NTRK1: variants seen among roughly 807,000 people sequenced by gnomAD.
The protein encoded by NTRK1 is high affinity nerve growth factor receptor.
NTRK1 carries 62 observed loss-of-function variants against 86.8 expected under a neutral mutation model. The ratio of observed to expected loss-of-function variants is 0.71; its 90% CI spans 0.58 to 0.88. The LOEUF (loss-of-function observed/expected upper bound fraction) is 0.88, where lower values mean the gene tolerates loss of function less well. Among genes scored for constraint, NTRK1 ranks in the 40% least tolerant of loss-of-function variants. The pLI, the probability that NTRK1 is intolerant of heterozygous loss-of-function variation, is 0.00. For synonymous variants in NTRK1, 469 were observed against 456.6 expected (o/e 1.03, Z -0.35); for missense variants, 967 against 1,078.4 (o/e 0.90, Z 1.45).
At position 156,871,773 on chromosome 1, in the gene NTRK1, C is replaced by G. The variant is rs776037356; in HGVS notation, c.850+18C>G. ...CGTCTCCTGTGAGTCTCAGTGGCAG[C>G]TCCGGCACCCACCCCCTACTCATCT... On this transcript the variant is annotated intron_variant, in intron 7 of 16. Transcript: ENST00000524377. 4 of 1,614,076 alleles carry G rather than the reference C, an allele frequency of 2.5e-6. No homozygotes were observed. Among genetic ancestry groups the G allele is most frequent in the Admixed American group, 3.3e-5 (2 of 60,028 alleles).
intron 8 of NTRK1, 112 bp from the exon 9 acceptor site, chr1:156,874,271 G>A (rs41422251): frequency 9.2e-5 from 139 of 1,513,498 alleles, no homozygotes; most frequent in Non-Finnish European, 1.1e-4. Context: ...ATCCCCCCTC[G>A]TCCCATGAAG....
At chr1:156,855,993 T>G (rs1655395396), upstream of NTRK1, among the ~76,000 whole-genome samples, 1 of 151,700 alleles carries the variant, frequency 6.6e-6, no homozygotes, top group African/African-American at 2.4e-5. Flanking sequence ...CAGGCTAGAG[T>G]GTAGTGGGAG....
chr1:156,837,416 C>T (rs1654622327), intron 1 of NTRK1, among the ~76,000 whole-genome samples: 2 of 152,258 alleles, frequency 1.3e-5, no homozygotes, highest in South Asian at 4.1e-4. Context: ...GATGGTGCCA[C>T]CCTAGTGATC....
At chr1:156,844,355 T>C (rs1654909062) in intron 2 of NTRK1, 4 of 1,546,258 alleles carry the variant, frequency 2.6e-6, no homozygotes, top group Admixed American at 1.7e-5. Context: ...TCTCTTTCCA[T>C]GCTGGGAGGT....
rs1412359570 is a variant in NTRK1, at chr1:156,879,137, T to G, written c.1821T>G (p.Asp607Glu). 6.2e-7 allele frequency: 1 copy of G among 1,613,874 alleles called. No homozygotes were observed. Among genetic ancestry groups the G allele is most frequent in the African/African-American group, 1.3e-5 (1 of 74,892 alleles). Residue 607 changes from aspartate to glutamate, a missense_variant, in exon 15 of 17, where the codon GAT becomes GAG. Coordinates refer to ENST00000524377, the MANE Select transcript of NTRK1 (RefSeq NM_002529.4). ...LNRFLRSHGP[D>E]AKLLAGGEDV... ...TTGTTCACAGATCCCATGGACCTGATGCCAAGCTGCTGGCTGGTGGGGAGG... is the reference window on the plus strand; with the variant it reads ...TTGTTCACAGATCCCATGGACCTGAGGCCAAGCTGCTGGCTGGTGGGGAGG...
At chr1:156,864,618 G>A in intron 2 of NTRK1, 110 bp from the exon 3 acceptor site, 1 of 1,261,906 alleles carries the variant, frequency 7.9e-7, no homozygotes. Flanking sequence ...AGGGGCCTGA[G>A]GAGGGGTAGG....
chr1:156,829,368 G>C (rs1654405505), intron 1 of NTRK1, among the ~76,000 whole-genome samples: 1 of 152,166 alleles, frequency 6.6e-6, no homozygotes, highest in Non-Finnish European at 1.5e-5. Context: ...CAGTTCTGGG[G>C]TGGGGCAGAG....
At chr1:156,859,996 C>G (rs865984269), upstream of NTRK1, among the ~76,000 whole-genome samples, 3 of 152,242 alleles carry the variant, frequency 2.0e-5, no homozygotes, top group Admixed American at 6.5e-5. This position sits in a 1 kb window ranked among gnomAD's most constrained non-coding sequence, Gnocchi z 6.2. Context: ...CGGTCCTCAG[C>G]TCCACCCGCG....
chr1:156,845,860 G>A (rs1413089685), intron 2 of NTRK1: 8 of 1,601,438 alleles, frequency 5.0e-6, no homozygotes, highest in Non-Finnish European at 6.8e-6. Context: ...CGGTCTACCC[G>A]CCTCTGATCC....
intron 2 of NTRK1, chr1:156,853,899 C>T (rs750445285): frequency 2.1e-5 from 34 of 1,614,026 alleles, no homozygotes; most frequent in South Asian, 5.5e-5. Context: ...ATGTGGTTGG[C>T]GCCAGGTGCT....
chr1:156,845,829 G>A, intron 2 of NTRK1: 1 of 1,610,796 alleles, frequency 6.2e-7, no homozygotes, highest in Non-Finnish European at 8.5e-7. Context: ...CGCCGCAGCG[G>A]GAAGACACTA....
chr1:156,844,084 T>G (rs921041417), intron 2 of NTRK1: 14 of 914,682 alleles, frequency 1.5e-5, no homozygotes, highest in Middle Eastern at 2.2e-4. Context: ...AAGACCTGTC[T>G]TTCTACTGTC....
At position 156,874,406 on chromosome 1, in the gene NTRK1, T is replaced by C. The variant is rs2102909022; in HGVS notation, c.1195+6T>C. 6.2e-7 allele frequency: 1 copy of C among 1,613,928 alleles called. No homozygotes were observed. The highest frequency in any genetic ancestry group is 8.5e-7 in the Non-Finnish European group (1 of 1,179,964). ...AGTCTCCTTCTCGCCGGTGGGTGAGTAGCCCAAGGTGGAGGGCAGGTTCTG... is the reference window on the plus strand; with the variant it reads ...AGTCTCCTTCTCGCCGGTGGGTGAGCAGCCCAAGGTGGAGGGCAGGTTCTG... On this transcript the variant is annotated splice_donor_region_variant and intron_variant, in intron 9 of 16. Coordinates refer to ENST00000524377, the MANE Select transcript of NTRK1 (RefSeq NM_002529.4).
At chr1:156,875,382 G>A (rs2102914360) in intron 11 of NTRK1, 138 bp from the exon 12 acceptor site, 1 of 1,183,174 alleles carries the variant, frequency 8.5e-7, no homozygotes, top group Non-Finnish European at 1.2e-6. Context: ...CCTTCCCCCT[G>A]CCTGCTGTCT....
At chr1:156,875,113 C>T (rs2102913059) in intron 11 of NTRK1, 105 bp downstream of exon 11, 1 of 860,568 alleles carries the variant, frequency 1.2e-6, no homozygotes, top group Admixed American at 1.8e-5. Flanking sequence ...CATGGGAGTT[C>T]CAGGGCGTGT....
chr1:156,845,587 A>C, intron 2 of NTRK1: 1 of 1,498,402 alleles, frequency 6.7e-7, no homozygotes, highest in Admixed American at 2.2e-5. Context: ...CCCACTCATC[A>C]GACCCTCCCA....
intron 1 of NTRK1, chr1:156,841,928 G>A (rs1345939366): frequency 1.3e-6 from 2 of 1,557,836 alleles, no homozygotes; most frequent in Admixed American, 3.4e-5. Flanking sequence ...GGGCTCAATG[G>A]ACCTCAGAAC....
chr1:156,834,442 T>C (rs1654545745), intron 1 of NTRK1, among the ~76,000 whole-genome samples: 1 of 152,142 alleles, frequency 6.6e-6, no homozygotes, highest in Admixed American at 6.5e-5. Flanking sequence ...AGATGCAATT[T>C]AGAACTATAG....
chr1:156,864,513 G>A, intron 2 of NTRK1, 85 bp downstream of exon 2: 1 of 1,418,552 alleles, frequency 7.0e-7, no homozygotes, highest in Non-Finnish European at 9.9e-7. Flanking sequence ...AGCATCCGAG[G>A]GCCTGGGAGG....
Sources: gnomAD v4.1 joint callset for allele counts (sites outside exome capture counted in the v4.1 genomes callset) on GRCh38, gnomAD v4.1.1 for gene constraint, Gnocchi (gnomAD v3.1) non-coding constraint, MANE v1.5 for transcripts, NCBI Gene and HGNC (gene_info 2026-07-23, HGNC 2026-07-21) for gene names.